The following MMRN1 variants were observed in gnomAD, a reference collection of about 807,000 sequenced individuals.
MMRN1 encodes the protein multimerin-1.
In MMRN1, 94 loss-of-function variants were observed where a neutral mutation model predicts 100.7. The ratio of observed to expected loss-of-function variants is 0.93; its 90% CI spans 0.79 to 1.11. The LOEUF (loss-of-function observed/expected upper bound fraction) is 1.11. MMRN1 is among the 50% of genes least tolerant of loss of function. The pLI is 0.00. For missense variants in MMRN1, 1,606 were observed against 1,439.1 expected (o/e 1.12, Z -1.88); for synonymous variants, 575 against 505.0 (o/e 1.14, Z -1.86).
chr4:89,927,320 G>A (rs1338190009), intron 4 of MMRN1, among the ~76,000 whole-genome samples: 1 of 152,000 alleles, frequency 6.6e-6, no homozygotes, highest in Non-Finnish European at 1.5e-5. Flanking sequence ...TTTCATTATA[G>A]TGACCTTCCA....
chr4:89,950,931 T>C (rs1723146915), intron 6 of MMRN1, among the ~76,000 whole-genome samples: 1 of 152,056 alleles, frequency 6.6e-6, no homozygotes, highest in South Asian at 2.1e-4. Flanking sequence ...TATTAGTCAT[T>C]AGATTGCCAT....
At chr4:89,898,080 T>G (rs915813624) in intron 1 of MMRN1, among the ~76,000 whole-genome samples, 3 of 152,144 alleles carry the variant, frequency 2.0e-5, no homozygotes, top group Admixed American at 2.0e-4. Context: ...CATTAGGCCA[T>G]GCAAATGACA....
At chr4:89,945,650 A>G (rs902127605) in intron 6 of MMRN1, among the ~76,000 whole-genome samples, 2 of 152,154 alleles carry the variant, frequency 1.3e-5, no homozygotes, top group African/African-American at 4.8e-5. Flanking sequence ...AACTCTAAAG[A>G]AAAAGGATAA....
chr4:89,925,423 C>T (rs1222791941), intron 4 of MMRN1, among the ~76,000 whole-genome samples: 2 of 146,092 alleles, frequency 1.4e-5, no homozygotes, highest in Non-Finnish European at 3.0e-5. Context: ...GCTGGGACTA[C>T]AGCCGTGAGC....
At chr4:89,931,977 G>C (rs751995966) in intron 5 of MMRN1, among the ~76,000 whole-genome samples, 8 of 152,062 alleles carry the variant, frequency 5.3e-5, no homozygotes, top group Non-Finnish European at 1.0e-4. Context: ...ATTCATTTCA[G>C]CATTAACTCA....
chr4:89,910,343 C>T (rs895516307), intron 2 of MMRN1, among the ~76,000 whole-genome samples: 10 of 151,446 alleles, frequency 6.6e-5, no homozygotes, highest in African/African-American at 1.9e-4. Flanking sequence ...AAATTTACCA[C>T]AGTAGCCCCT....
chr4:89,943,916 A>G (rs1722909529), intron 6 of MMRN1, among the ~76,000 whole-genome samples: 1 of 151,780 alleles, frequency 6.6e-6, no homozygotes, highest in East Asian at 1.9e-4. Flanking sequence ...CAGGAGGAGG[A>G]GGTTGCAGTG....
chr4:89,900,114 G>A (rs1320467899), intron 1 of MMRN1, among the ~76,000 whole-genome samples: 3 of 151,998 alleles, frequency 2.0e-5, no homozygotes, highest in Non-Finnish European at 4.4e-5. Context: ...ACTTAAGAAG[G>A]AAATGTAAAT....
intron 1 of MMRN1, among the ~76,000 whole-genome samples, chr4:89,896,039 C>G (rs1049118660): frequency 6.6e-6 from 1 of 152,068 alleles, no homozygotes; most frequent in East Asian, 1.9e-4. Flanking sequence ...TGTCAAAGAT[C>G]GAAACAAGCA....
intron 6 of MMRN1, among the ~76,000 whole-genome samples, chr4:89,945,515 A>T (rs1009537763): frequency 6.6e-6 from 1 of 152,130 alleles, no homozygotes. Context: ...ATGTTATTTT[A>T]GTAGGTACAT....
At position 89,934,800 on chromosome 4, in the gene MMRN1, C is replaced by A. The variant is rs771369633; in HGVS notation, c.1130-10C>A. 7.2e-6 allele frequency: 10 copies of A among 1,386,440 alleles called. No homozygotes were observed. In the South Asian group the frequency reaches 1.3e-4, roughly 18 times the overall value. The allele number at this position is 1,386,440 out of a possible 1,614,324, so 85.9% of individuals were successfully genotyped here. On this transcript the variant is annotated splice_polypyrimidine_tract_variant and intron_variant, in intron 5 of 7. Transcript: ENST00000264790. ...TAAAACTATGTATTATTAATTATTT[C>A]TTTCTCTAGGTCTAAAATCCAAAAG...
At chr4:89,914,407 C>T (rs17806425) in intron 3 of MMRN1, among the ~76,000 whole-genome samples, 3,829 of 151,354 alleles carry the variant, frequency 0.025, 64 homozygotes, top group Non-Finnish European at 0.035. Flanking sequence ...CTGCTACGCA[C>T]GTACTTTAGC....
intron 4 of MMRN1, 28 bp downstream of exon 4, chr4:89,923,300 T>C: frequency 6.4e-7 from 1 of 1,574,320 alleles, no homozygotes; most frequent in Non-Finnish European, 8.7e-7. Flanking sequence ...CTATCATCTC[T>C]GACCCAATTA....
At chr4:89,930,965 G>T (rs932654046) in intron 5 of MMRN1, among the ~76,000 whole-genome samples, 1 of 152,004 alleles carries the variant, frequency 6.6e-6, no homozygotes, top group Non-Finnish European at 1.5e-5. Flanking sequence ...CTTAATTGTG[G>T]CTAGTTAGTC....
intron 1 of MMRN1, among the ~76,000 whole-genome samples, chr4:89,888,281 C>G (rs1321896919): frequency 6.6e-6 from 1 of 151,772 alleles, no homozygotes; most frequent in Non-Finnish European, 1.5e-5. Context: ...TTTATTTCCC[C>G]TTTACTTTTG....
chr4:89,935,548 A>G lies in MMRN1; in HGVS notation c.1868A>G (p.Glu623Gly). Residue 623 changes from glutamate (E) to glycine (G), a missense_variant, in exon 6 of 8, where the codon GAA becomes GGA. Transcript: ENST00000264790. The part of the protein sequence containing the change: ...NLHVLNQTLA[E>G]VLFPMDNKMD... ...CATGTGTTAAATCAAACATTGGCTG[A>G]AGTTCTCTTTCCAATGGACAATAAG... The G allele has an allele frequency of 1.2e-6, 2 of 1,613,266 alleles. No individual in the cohort carries two copies. The highest frequency in any genetic ancestry group is 1.7e-6 in the Non-Finnish European group (2 of 1,179,678).
chr4:89,952,690 C>G (rs537424434), intron 7 of MMRN1, among the ~76,000 whole-genome samples: 2 of 152,250 alleles, frequency 1.3e-5, no homozygotes, highest in East Asian at 3.9e-4. Context: ...TCCTTTATCT[C>G]TGGGGAGATC....
Position 89,883,520 on chromosome 4 carries a change from C to G in MMRN1, c.-249+3918C>G, listed in dbSNP as rs72870716. On this transcript the variant is annotated intron_variant, in intron 1 of 8. Transcript: ENST00000394980. Reference sequence around the variant, plus strand: ...GATGCTGAGACATCTTTTCACATGTCTGTTAGCCAGTTGTGTATCTTCCTT... The same window carrying G: ...GATGCTGAGACATCTTTTCACATGTGTGTTAGCCAGTTGTGTATCTTCCTT... Among the ~76,000 whole-genome samples the G allele has an allele frequency of 6.7e-3, 1,020 of 152,170 alleles. 10 individuals are homozygous for G. Among genetic ancestry groups the G allele is most frequent in the African/African-American group, 0.023 (961 of 41,540 alleles).
chr4:89,951,046 T>A (rs1203537978), intron 6 of MMRN1, among the ~76,000 whole-genome samples: 1 of 152,156 alleles, frequency 6.6e-6, no homozygotes, highest in Non-Finnish European at 1.5e-5. Context: ...TCTCTTATGG[T>A]TTCTGAGTTT....
Sources: allele counts gnomAD v4.1 joint callset (sites outside exome capture counted in the v4.1 genomes callset), GRCh38; gene constraint gnomAD v4.1.1; transcripts MANE v1.5; gene names NCBI Gene and HGNC (gene_info 2026-07-23, HGNC 2026-07-21).